Variants in ZNF132 observed in about 807,000 individuals in gnomAD.
ZNF132 encodes the protein zinc finger protein 132 (clone pHZ-12).
Under a neutral mutation model 9.3 loss-of-function variants are expected in ZNF132, and 6 were observed. That is an observed-to-expected ratio of 0.65 (90% CI 0.35 to 1.28). ZNF132 has a LOEUF of 1.28. ZNF132 is among the 50% of genes most tolerant of loss of function. The pLI is 0.03. For synonymous variants in ZNF132, 296 were observed against 292.0 expected (o/e 1.01, Z -0.14); for missense variants, 877 against 843.2 (o/e 1.04, Z -0.50).
At position 58,434,884 on chromosome 19, in the gene ZNF132, A is replaced by G; in HGVS notation, c.560T>C (p.Leu187Pro). ...DALMKSSKVH[L>P]SENPFTCREG... is the part of the protein sequence containing the mutation. ...CCTGCAAGTGAAGGGGTTCTCTGAC[A>G]GGTGGACTTTAGAGCTCTTCATAAG... is the stretch of plus-strand genomic sequence containing the variant. The change falls in exon 3 of 3, where the codon CTG becomes CCG. Residue 187 changes from leucine (L) to proline (P), a missense_variant. Coordinates refer to ENST00000254166, the MANE Select transcript of ZNF132 (RefSeq NM_003433.4). 6.2e-7 allele frequency: 1 copy of G among 1,614,238 alleles called. No homozygotes were observed. The highest frequency in any genetic ancestry group is 8.5e-7 in the Non-Finnish European group (1 of 1,180,040).
Position 58,439,872 on chromosome 19 carries a change from C to T in ZNF132, c.-51G>A, listed in dbSNP as rs1317037183. Reference sequence around the variant, plus strand: ...CCGCTGGGCCGAACCCTCACACTTCCGCTGGGTGACGGTCGCACTCAGGAC... The same window carrying T: ...CCGCTGGGCCGAACCCTCACACTTCTGCTGGGTGACGGTCGCACTCAGGAC... On this transcript the variant is annotated 5_prime_UTR_variant, in exon 1 of 3. Transcript: ENST00000254166. 2.6e-6 allele frequency: 4 copies of T among 1,521,212 alleles called. No individual in the cohort carries two copies. Among genetic ancestry groups the T allele is most frequent in the Admixed American group, 4.3e-5 (2 of 47,006 alleles). The allele number at this position is 1,521,212 out of a possible 1,614,324, so 94.2% of individuals were successfully genotyped here.
At chr19:58,437,266 G>C (rs775430796) in intron 1 of ZNF132, 51 bp from the exon 2 acceptor site, 11 of 1,528,676 alleles carry the variant, frequency 7.2e-6, no homozygotes, top group Non-Finnish European at 2.6e-6. Context: ...GGACCTTGCT[G>C]TGTGACTCAG....
Position 58,439,817 on chromosome 19 carries a change from G to T in ZNF132, c.5C>A (p.Ala2Asp). 6.5e-7 allele frequency: 1 copy of T among 1,544,148 alleles called. No individual in the cohort carries two copies. Residue 2 changes from alanine to aspartate, a missense_variant, in exon 1 of 3, where the codon GCC (alanine) becomes GAC (aspartate). By Grantham distance (126) the Ala-to-Asp change is moderately radical. Transcript: ENST00000254166. Reference sequence around the variant, plus strand: ...CATTAGAACCTGTGGGCTGGGCAGGGCCATAACAGGAGGCCCAGGGCTAGC... The same window carrying T: ...CATTAGAACCTGTGGGCTGGGCAGGTCCATAACAGGAGGCCCAGGGCTAGC... Reference protein sequence around the residue: MALPSPQVLMGL... With the variant: MDLPSPQVLMGL...
chr19:58,439,373 T>C (rs915857327), intron 1 of ZNF132, among the ~76,000 whole-genome samples: 3 of 152,180 alleles, frequency 2.0e-5, no homozygotes, highest in Non-Finnish European at 4.4e-5. Flanking sequence ...ACCATCAGAA[T>C]AGAGGTCCAG....
chr19:58,434,766 A>T lies in ZNF132; in HGVS notation c.678T>A (p.Leu226=). ...GQKPYSNLGQ[L]PEVCTTQKLF... The stretch of plus-strand genomic sequence containing the variant: ...GTTTCTGTGTGGTACAGACTTCTGG[A>T]AGCTGCCCAAGATTGGAATATGGCT... Residue 226 remains leucine, a synonymous_variant, in exon 3 of 3, where the codon CTT becomes CTA. Transcript: ENST00000254166. 1 of 1,614,206 alleles carries T rather than the reference A, an allele frequency of 6.2e-7. No homozygotes were observed. The highest frequency in any genetic ancestry group is 1.3e-5 in the African/African-American group (1 of 75,050).
rs1211291964 is a variant in ZNF132, at chr19:58,435,201, A to C, written c.243T>G (p.His81Gln). 1.2e-6 allele frequency: 2 copies of C among 1,606,142 alleles called. No individual in the cohort carries two copies. The highest frequency in any genetic ancestry group is 1.1e-5 in the South Asian group (1 of 90,580). Residue 81 changes from histidine (H) to glutamine (Q), a missense_variant, in exon 3 of 3, where the codon CAT (histidine) becomes CAG (glutamine). Coordinates refer to ENST00000254166, the MANE Select transcript of ZNF132 (RefSeq NM_003433.4). The stretch of plus-strand genomic sequence containing the variant: ...GATGGGCCCCCTCACCCTCTACTCC[A>C]TGCCAAGAACCTGAAAGTAGAGAAA... ...LELVTSLGSWHGVEGEGAHPK... is the reference protein window; with the variant it reads ...LELVTSLGSWQGVEGEGAHPK...
Position 58,433,535 on chromosome 19 carries a change from TA to T in ZNF132, c.1908del (p.Phe636LeufsTer106). On this transcript the variant is annotated frameshift_variant, in exon 3 of 3. Coordinates refer to ENST00000254166, the MANE Select transcript of ZNF132 (RefSeq NM_003433.4). LOFTEE classifies it low-confidence loss of function (END_TRUNC). ...TGACGAACCAGGTGGGAGTTACTGC[TA>T]AAGGCTCTCCCACATTCACTGCATT... ...PYECSECGRA[F>X]SSNSHLVRHQ... is the part of the protein sequence containing the mutation. 6.2e-7 allele frequency: 1 copy of T among 1,614,190 alleles called. No individual in the cohort carries two copies.
At chr19:58,436,667 C>CAAAAAAAAAAAAAAAAA (rs56078209) in intron 2 of ZNF132, among the ~76,000 whole-genome samples, 1 of 65,542 alleles carries the variant, frequency 1.5e-5, no homozygotes, top group Non-Finnish European at 2.8e-5. Flanking sequence ...GACTCCATCT[C>CAAAAAAAAAAAAAAAAA]AAAAAAAAAA....
rs1599969966 is a variant in ZNF132, at chr19:58,440,105, A to C, written c.-284T>G. 1 of 470,068 alleles carries C rather than the reference A, an allele frequency of 2.1e-6. No homozygotes were observed. The highest frequency in any genetic ancestry group is 5.4e-4 in the Middle Eastern group (1 of 1,838). 29.1% of individuals were successfully genotyped at this position (470,068 alleles called of 1,614,324 possible). A position where few individuals can be genotyped will look rare whatever the true frequency, so the allele number is the denominator to read the frequency against. On this transcript the variant is annotated 5_prime_UTR_variant, in exon 1 of 3. Coordinates refer to ENST00000254166, the MANE Select transcript of ZNF132 (RefSeq NM_003433.4). ...CACTCCCGTGCCCTGGTGTGGCTCCAGAGGCCTGCTGTAGCCCAACCCACC... is the reference window on the plus strand; with the variant it reads ...CACTCCCGTGCCCTGGTGTGGCTCCCGAGGCCTGCTGTAGCCCAACCCACC...
chr19:58,436,990 A>G (rs770229673), intron 2 of ZNF132, 57 bp downstream of exon 2: 7 of 1,611,886 alleles, frequency 4.3e-6, no homozygotes, highest in East Asian at 4.5e-5. Flanking sequence ...AGAGCTTTCT[A>G]TGGGGAAAAG....
In ZNF132 at chr19:58,433,509, A is replaced by G. The variant is rs548953435; in HGVS notation, c.1935T>C (p.His645=). 2 of 1,613,908 alleles carry G rather than the reference A, an allele frequency of 1.2e-6. No homozygotes were observed. Among genetic ancestry groups the G allele is most frequent in the South Asian group, 2.2e-5 (2 of 91,060 alleles). The change falls in exon 3 of 3, where the codon CAT becomes CAC. Residue 645 remains histidine (H), a synonymous_variant. Coordinates refer to ENST00000254166, the MANE Select transcript of ZNF132 (RefSeq NM_003433.4). The stretch of plus-strand genomic sequence containing the variant: ...GCCTTTCTTGTGTGTGAACTCTCTG[A>G]TGACGAACCAGGTGGGAGTTACTGC... ...AFSSNSHLVR[H]QRVHTQERPY...
chr19:58,438,698 C>T (rs992584549), intron 1 of ZNF132, among the ~76,000 whole-genome samples: 1 of 151,940 alleles, frequency 6.6e-6, no homozygotes, highest in African/African-American at 2.4e-5. Context: ...TGGTCTCAAT[C>T]TCCTGACCTA....
At position 58,433,009 on chromosome 19, in the gene ZNF132, C is replaced by G. The variant is rs1364043276; in HGVS notation, c.*314G>C. On this transcript the variant is annotated 3_prime_UTR_variant, in exon 3 of 3. Transcript: ENST00000254166. ...GGCCCCTCAACCAGCATCGGTTCAG[C>G]TGAGCACAGTCCTGAATCCCTAGAG... The G allele has an allele frequency of 1.3e-5, 4 of 314,740 alleles. 1 individual carries two copies. The Admixed American group carries it at 2.1e-4, about 17-fold the overall frequency. The allele number at this position is 314,740 out of a possible 1,614,324, so 19.5% of individuals were successfully genotyped here.
At chr19:58,438,501 T>C (rs555044151) in intron 1 of ZNF132, among the ~76,000 whole-genome samples, 2 of 140,366 alleles carry the variant, frequency 1.4e-5, no homozygotes, top group Non-Finnish European at 3.0e-5. Context: ...TGAGACAGAG[T>C]CTCGCTCTGT....
At position 58,437,329 on chromosome 19, in the gene ZNF132, C is replaced by T. The variant is rs532400800; in HGVS notation, c.64-114G>A. 1.3e-4 allele frequency: 164 copies of T among 1,217,322 alleles called. 1 individual carries two copies. The highest frequency in any genetic ancestry group is 2.8e-4 in the Admixed American group (10 of 35,394). The allele number at this position is 1,217,322 out of a possible 1,614,324, so 75.4% of individuals were successfully genotyped here. A position where few individuals can be genotyped will look rare whatever the true frequency, so the allele number is the denominator to read the frequency against. On this transcript the variant is annotated intron_variant, in intron 1 of 2. Coordinates refer to ENST00000254166, the MANE Select transcript of ZNF132 (RefSeq NM_003433.4). ...TCTTTTTCTTATGATCCTCTCAGTC[C>T]ACCCACTACTCACCCATCCACAGCT...
At chr19:58,435,580 C>T (rs1372748229) in intron 2 of ZNF132, 2 of 176,310 alleles carry the variant, frequency 1.1e-5, no homozygotes, top group Non-Finnish European at 2.4e-5. Context: ...TTCACATCCA[C>T]TAGCATAGCT....
chr19:58,439,327 T>G (rs1045217154), intron 1 of ZNF132, among the ~76,000 whole-genome samples: 5 of 152,176 alleles, frequency 3.3e-5, no homozygotes, highest in African/African-American at 9.7e-5. Context: ...TCAGAGCACC[T>G]ACTTCCTCTA....
rs1243770059 is a variant in ZNF132 at position 58,437,205 on chromosome 19, C to A, written c.74G>T (p.Trp25Leu). 2 of 1,598,444 alleles carry A rather than the reference C, an allele frequency of 1.3e-6. No homozygotes were observed. The highest frequency in any genetic ancestry group is 4.5e-5 in the East Asian group (2 of 44,794). The change falls in exon 2 of 3, where the codon TGG becomes TTG. Residue 25 changes from tryptophan to leucine, a missense_variant. By Grantham distance (61) the Trp-to-Leu change is moderately conservative (BLOSUM62 -2). Coordinates refer to ENST00000254166, the MANE Select transcript of ZNF132 (RefSeq NM_003433.4). ...TGTGGGGACAGCTGAGCCACAGGGC[C>A]AAGAAGTATGCTGACAAAGAAACAA... ...LLMGPAQHTS[W>L]PCGSAVPTLK...
chr19:58,433,660 C>T lies in ZNF132; in HGVS notation c.1784G>A (p.Gly595Glu). Residue 595 changes from glycine (G) to glutamate (E), a missense_variant, in exon 3 of 3, where the codon GGA becomes GAA. Coordinates refer to ENST00000254166, the MANE Select transcript of ZNF132 (RefSeq NM_003433.4). ...ILIKHQKVHT[G>E]EKPYKCSECG... ...TTCACTGCATTTATAAGGCTTTTCT[C>T]CAGTATGAACTTTCTGATGCTTAAT... 6.2e-7 allele frequency: 1 copy of T among 1,614,160 alleles called. No homozygotes were observed.
Sources: allele counts gnomAD v4.1 joint callset (sites outside exome capture counted in the v4.1 genomes callset), GRCh38; gene constraint gnomAD v4.1.1; transcripts MANE v1.5; gene names NCBI Gene and HGNC (gene_info 2026-07-23, HGNC 2026-07-21).